The following FBXO3 variants were observed in gnomAD, a reference collection of about 807,000 sequenced individuals.
The protein encoded by FBXO3 is F-box protein 3, also known as F-box only protein 3.
In FBXO3, 17 loss-of-function variants were observed where a neutral mutation model predicts 64.8. The observed-to-expected ratio is 0.26, with a 90% CI of 0.18 to 0.39. FBXO3 has a LOEUF of 0.39. Among genes scored for constraint, FBXO3 ranks in the 10% least tolerant of loss-of-function variants. FBXO3 has a pLI of 1.00. For synonymous variants in FBXO3, 182 were observed against 201.6 expected (o/e 0.90, Z 0.82); for missense variants, 420 against 589.9 (o/e 0.71, Z 2.98).
At position 33,741,784 on chromosome 11, in the gene FBXO3, C is replaced by T. The variant is rs1033667766; in HGVS notation, c.*124G>A. ...ATGTAGTGTCACATAGAACCCAGGGCCTGAAACAATATTTCATGCTAGTTT... is the reference window on the plus strand; with the variant it reads ...ATGTAGTGTCACATAGAACCCAGGGTCTGAAACAATATTTCATGCTAGTTT... On this transcript the variant is annotated 3_prime_UTR_variant, in exon 11 of 11. Coordinates refer to ENST00000265651, the MANE Select transcript of FBXO3 (RefSeq NM_012175.4). 1 of 966,848 alleles carries T rather than the reference C, an allele frequency of 1.0e-6. No individual in the cohort carries two copies. The allele number at this position is 966,848 out of a possible 1,614,324, so 59.9% of individuals were successfully genotyped here.
chr11:33,762,236 G>A (rs891313878), intron 3 of FBXO3, among the ~76,000 whole-genome samples: 25 of 151,998 alleles, frequency 1.6e-4, no homozygotes, highest in Non-Finnish European at 2.5e-4. Context: ...TAACAGAACA[G>A]GCAGACAAAA....
At chr11:33,750,047 T>C (rs1465272333) in intron 8 of FBXO3, among the ~76,000 whole-genome samples, 1 of 152,092 alleles carries the variant, frequency 6.6e-6, no homozygotes, top group Non-Finnish European at 1.5e-5. Flanking sequence ...TATCTTTGTG[T>C]CATAGCACAG....
intron 7 of FBXO3, among the ~76,000 whole-genome samples, chr11:33,751,254 T>C (rs1590567170): frequency 6.6e-6 from 1 of 152,218 alleles, no homozygotes; most frequent in African/African-American, 2.4e-5. Flanking sequence ...AAATAAATTA[T>C]ATAGATACTA....
rs1300794328 is a variant in FBXO3, at chr11:33,750,648, G to A, written c.823C>T (p.Pro275Ser). 3 of 1,612,826 alleles carry A rather than the reference G, an allele frequency of 1.9e-6. No homozygotes were observed. Among genetic ancestry groups the A allele is most frequent in the Non-Finnish European group, 2.5e-6 (3 of 1,179,096 alleles). The change falls in exon 8 of 11, where the codon CCA becomes TCA. Residue 275 changes from proline (P) to serine (S), a missense_variant. By Grantham distance (74) the Pro-to-Ser change is moderately conservative. Around this residue, in one of 3 missense-constraint regions of FBXO3, gnomAD observed 337 missense variants for 518.4 expected, o/e 0.65. Transcript: ENST00000265651. ...TCCCCAGTTGTTGCTACACATTCTG[G>A]ATCGTGAACATATCTAGGTAATTTA... ...RDQIFRYVHD[P>S]ECVATTGDIT...
chr11:33,751,872 T>C (rs1053150384), intron 6 of FBXO3, among the ~76,000 whole-genome samples: 2 of 152,380 alleles, frequency 1.3e-5, no homozygotes, highest in Admixed American at 6.5e-5. Context: ...TTTACACTTA[T>C]AATTAATCAA....
At chr11:33,760,808 T>C (rs1855223947) in intron 3 of FBXO3, among the ~76,000 whole-genome samples, 1 of 152,220 alleles carries the variant, frequency 6.6e-6, no homozygotes, top group South Asian at 2.1e-4. Flanking sequence ...CAGCAGCAGT[T>C]AGAAGAAATA....
intron 3 of FBXO3, among the ~76,000 whole-genome samples, chr11:33,761,210 AG>A (rs1855233366): frequency 6.6e-6 from 1 of 152,204 alleles, no homozygotes; most frequent in Non-Finnish European, 1.5e-5. Context: ...AACAGTGAAC[AG>A]GTGGGACAAA....
chr11:33,766,419 T>C (rs770753933), intron 3 of FBXO3, among the ~76,000 whole-genome samples: 5 of 152,250 alleles, frequency 3.3e-5, no homozygotes, highest in Non-Finnish European at 7.3e-5. Flanking sequence ...CTCATTTATT[T>C]ATGCATCATC....
chr11:33,749,050 T>C (rs572536569), intron 8 of FBXO3, among the ~76,000 whole-genome samples, 158 bp from the exon 9 acceptor site: 8 of 152,346 alleles, frequency 5.3e-5, no homozygotes, highest in South Asian at 4.1e-4. Context: ...TTCTAAGTTC[T>C]CAAAGATACT....
At chr11:33,768,134 C>CCGA (rs1447782052) in intron 3 of FBXO3, among the ~76,000 whole-genome samples, 19 of 151,678 alleles carry the variant, frequency 1.3e-4, no homozygotes, top group African/African-American at 4.6e-4. Context: ...AACATCTATA[C>CCGA]AATGCCTTTC....
At chr11:33,769,854 G>GTTTTTTT (rs35225091) in intron 2 of FBXO3, among the ~76,000 whole-genome samples, 1 of 124,102 alleles carries the variant, frequency 8.1e-6, no homozygotes, top group South Asian at 2.7e-4. Context: ...CTCAGGGTGG[G>GTTTTTTT]TTTTTTTTTT....
At chr11:33,767,447 A>C (rs1265238645) in intron 3 of FBXO3, among the ~76,000 whole-genome samples, 1 of 152,142 alleles carries the variant, frequency 6.6e-6, no homozygotes, top group Non-Finnish European at 1.5e-5. Context: ...CTACAGGCGC[A>C]TGCCACCACG....
chr11:33,769,500 A>G (rs935715174), intron 2 of FBXO3, among the ~76,000 whole-genome samples: 2 of 152,160 alleles, frequency 1.3e-5, no homozygotes, highest in Admixed American at 6.5e-5. Context: ...GCATTTATTG[A>G]GTGTCCACTT....
At chr11:33,753,084 C>A (rs1237978842) in intron 6 of FBXO3, 1 of 152,128 alleles carries the variant, frequency 6.6e-6, no homozygotes, top group Admixed American at 6.6e-5. Flanking sequence ...AATCAAGATG[C>A]AATTTATATG....
intron 3 of FBXO3, among the ~76,000 whole-genome samples, chr11:33,763,771 A>G (rs1020019781): frequency 5.3e-5 from 8 of 152,194 alleles, no homozygotes; most frequent in African/African-American, 1.9e-4. Context: ...GGCCCTCGCC[A>G]GTGCAGTAAG....
At chr11:33,773,664 G>A (rs2133630846) in intron 1 of FBXO3, 1 of 152,330 alleles carries the variant, frequency 6.6e-6, no homozygotes, top group South Asian at 2.1e-4. Flanking sequence ...GAAGAAACTG[G>A]GCATTGAACC....
At chr11:33,759,675 A>C (rs1855194426) in intron 3 of FBXO3, among the ~76,000 whole-genome samples, 1 of 152,212 alleles carries the variant, frequency 6.6e-6, no homozygotes, top group Non-Finnish European at 1.5e-5. Context: ...TAAATTAAAA[A>C]CAACTAGGCC....
intron 2 of FBXO3, among the ~76,000 whole-genome samples, chr11:33,770,347 C>A (rs760050428): frequency 4.6e-5 from 7 of 152,260 alleles, no homozygotes; most frequent in Non-Finnish European, 1.0e-4. Flanking sequence ...CTCCCACTTT[C>A]TGTCATCTGT....
intron 5 of FBXO3, among the ~76,000 whole-genome samples, chr11:33,754,788 T>G (rs1478702487): frequency 6.6e-6 from 1 of 151,298 alleles, no homozygotes; most frequent in Non-Finnish European, 1.5e-5. Context: ...GAAAATGCTT[T>G]AAAAAGTTAA....
Sources: allele counts gnomAD v4.1 joint callset (sites outside exome capture counted in the v4.1 genomes callset), GRCh38; gene constraint gnomAD v4.1.1; regional missense constraint gnomAD v4.1.1; transcripts MANE v1.5; gene names NCBI Gene and HGNC (gene_info 2026-07-23, HGNC 2026-07-21).